The following CPSF6 variants were observed in gnomAD, a reference collection of about 807,000 sequenced individuals.
CPSF6 encodes cleavage and polyadenylation specific factor 6.
A neutral mutation model predicts 56.7 loss-of-function variants in CPSF6; 10 were observed. The ratio of observed to expected loss-of-function variants is 0.18; its 90% CI spans 0.11 to 0.30. CPSF6 has a LOEUF of 0.30. CPSF6 is among the 10% of genes least tolerant of loss of function. The pLI is 1.00. For missense variants in CPSF6, 419 were observed against 722.9 expected (o/e 0.58, Z 4.82); for synonymous variants, 248 against 244.8 (o/e 1.01, Z -0.12).
chr12:69,259,203 A>C (rs889312253), intron 6 of CPSF6, 109 bp downstream of exon 6: 6 of 1,335,308 alleles, frequency 4.5e-6, no homozygotes, highest in Non-Finnish European at 6.0e-6. Flanking sequence ...TTCCAAGAAG[A>C]TGAGGTGTTT....
chr12:69,251,177 A>G lies in CPSF6; in HGVS notation c.109A>G (p.Ile37Val). 6.2e-7 allele frequency: 1 copy of G among 1,613,126 alleles called. No individual in the cohort carries two copies. The highest frequency in any genetic ancestry group is 8.5e-7 in the Non-Finnish European group (1 of 1,179,738). ...TCAGATAGATTTGTATGACGATGTC[A>G]TATCTCCATCTGCAAATAATGGAGA... ...HDQIDLYDDVISPSANNGDAP... is the reference protein window; with the variant it reads ...HDQIDLYDDVVSPSANNGDAP... Residue 37 changes from isoleucine to valine, a missense_variant, in exon 2 of 10, where the codon ATA becomes GTA. Physicochemically the swap from Ile to Val is conservative, Grantham distance 29. Coordinates refer to ENST00000435070, the MANE Select transcript of CPSF6 (RefSeq NM_007007.3).
Position 69,271,723 on chromosome 12 carries a change from T to C in CPSF6, c.*2215T>C, listed in dbSNP as rs188087694. The C allele has an allele frequency of 2.0e-5, 3 of 151,896 alleles. No homozygotes were observed. The highest frequency in any genetic ancestry group is 2.0e-4 in the Admixed American group (3 of 15,246). 9.4% of individuals were successfully genotyped at this position (151,896 alleles called of 1,614,324 possible). A position where few individuals can be genotyped will look rare whatever the true frequency, so the allele number is the denominator to read the frequency against. On this transcript the variant is annotated 3_prime_UTR_variant, in exon 10 of 10. Transcript: ENST00000435070. ...ACCAAGTAATTTTGCAAAGTCCTTC[T>C]CTACCTGATAACACGTGAATGTATA...
In CPSF6 at chr12:69,273,295, T is replaced by A. The variant is rs1463335; in HGVS notation, c.*3787T>A. ...ATGTTCTTTTTTTAGAATTTCAGGT[T>A]GTGGCATTCACTGAGTATGCAGCTA... On this transcript the variant is annotated 3_prime_UTR_variant, in exon 10 of 10. Coordinates refer to ENST00000435070, the MANE Select transcript of CPSF6 (RefSeq NM_007007.3). 0.56 allele frequency: 196,419 copies of A among 349,128 alleles called. 56,494 individuals are homozygous for A. Among genetic ancestry groups the A allele is most frequent in the East Asian group, 0.73 (10,653 of 14,636 alleles). 21.6% of individuals were successfully genotyped at this position (349,128 alleles called of 1,614,324 possible). A position where few individuals can be genotyped will look rare whatever the true frequency, so the allele number is the denominator to read the frequency against.
In CPSF6 at chr12:69,251,114, AT is replaced by A. The variant is rs765934620; in HGVS notation, c.61-12del. ...TGACTTTTGTATAATCTAGAGCATT[AT>A]TTCTGTATCTCAGGAAGCTGAATAT... On this transcript the variant is annotated splice_polypyrimidine_tract_variant and intron_variant, in intron 1 of 9. Coordinates refer to ENST00000435070, the MANE Select transcript of CPSF6 (RefSeq NM_007007.3). 4 of 1,603,120 alleles carry A rather than the reference AT, an allele frequency of 2.5e-6. No individual in the cohort carries two copies. Among genetic ancestry groups the A allele is most frequent in the Non-Finnish European group, 3.4e-6 (4 of 1,172,196 alleles).
chr12:69,257,325 A>T (rs938497231), intron 4 of CPSF6, among the ~76,000 whole-genome samples: 7 of 152,194 alleles, frequency 4.6e-5, no homozygotes, highest in African/African-American at 1.7e-4. Context: ...AAGAGATGAG[A>T]TGGATGATTA....
chr12:69,257,662 A>T, intron 4 of CPSF6, 70 bp from the exon 5 acceptor site: 3 of 1,406,334 alleles, frequency 2.1e-6, no homozygotes, highest in Non-Finnish European at 9.8e-7. Flanking sequence ...AGTTGTTTTT[A>T]ATAATAGTGG....
At chr12:69,249,297 A>T (rs1020903423) in intron 1 of CPSF6, among the ~76,000 whole-genome samples, 3 of 151,852 alleles carry the variant, frequency 2.0e-5, no homozygotes, top group East Asian at 3.8e-4. Context: ...AAAAATTAAA[A>T]TTAAAAAAAT....
chr12:69,258,603 A>G lies in CPSF6; in HGVS notation c.708A>G (p.Pro236=), dbSNP rs1416383607. ...PPPPFPAGQT[P]PRPPLGPPGP... ...TTTGTTTTTTAGCTGGACAGACTCC[A>G]CCACGTCCACCCTTAGGTCCTCCAG... The change falls in exon 6 of 10, where the codon CCA becomes CCG. Residue 236 remains proline (P), a synonymous_variant. Transcript: ENST00000435070. The surrounding 1 kb of genome is among the most constrained non-coding windows in gnomAD (Gnocchi z 4.2). 6.2e-7 allele frequency: 1 copy of G among 1,608,620 alleles called. No individual in the cohort carries two copies. The highest frequency in any genetic ancestry group is 1.1e-5 in the South Asian group (1 of 90,668).
In CPSF6 at chr12:69,251,151, A is replaced by G; in HGVS notation, c.83A>G (p.Asp28Gly). 1 of 1,611,360 alleles carries G rather than the reference A, an allele frequency of 6.2e-7. No homozygotes were observed. The highest frequency in any genetic ancestry group is 8.5e-7 in the Non-Finnish European group (1 of 1,178,310). ...FNQEAEYGGH[D>G]QIDLYDDVIS... is the part of the protein sequence containing the mutation. The stretch of plus-strand genomic sequence containing the variant: ...CAGGAAGCTGAATATGGTGGGCATG[A>G]TCAGATAGATTTGTATGACGATGTC... Residue 28 changes from aspartate (D) to glycine (G), a missense_variant, in exon 2 of 10, where the codon GAT becomes GGT. Coordinates refer to ENST00000435070, the MANE Select transcript of CPSF6 (RefSeq NM_007007.3).
chr12:69,259,233 GC>G, intron 6 of CPSF6, 139 bp downstream of exon 6: 1 of 1,242,272 alleles, frequency 8.0e-7, no homozygotes, highest in Non-Finnish European at 1.1e-6. Context: ...CCCTGTTTTA[GC>G]TGAAAGATAC....
chr12:69,242,521 A>G lies in CPSF6; in HGVS notation c.60+2815A>G, dbSNP rs117051906. 7.2e-5 allele frequency among the ~76,000 whole-genome samples: 11 copies of G among 152,328 alleles called. No individual in the cohort carries two copies. The East Asian group carries it at 1.9e-3, about 27-fold the overall frequency. On this transcript the variant is annotated intron_variant, in intron 1 of 9. Coordinates refer to ENST00000435070, the MANE Select transcript of CPSF6 (RefSeq NM_007007.3). ...TAGAGTGCCTTTCTTCACCAGGTGAACTTAAGAATGGAGAATGAAGGGGGG... is the reference window on the plus strand; with the variant it reads ...TAGAGTGCCTTTCTTCACCAGGTGAGCTTAAGAATGGAGAATGAAGGGGGG...
chr12:69,260,517 T>C (rs1378751316), intron 8 of CPSF6, among the ~76,000 whole-genome samples: 2 of 152,164 alleles, frequency 1.3e-5, no homozygotes, highest in Admixed American at 6.5e-5. Flanking sequence ...TTTCTTTAGG[T>C]ACACCAAATG....
intron 4 of CPSF6, among the ~76,000 whole-genome samples, chr12:69,257,256 A>G (rs1207257564): frequency 6.6e-6 from 1 of 152,206 alleles, no homozygotes; most frequent in Non-Finnish European, 1.5e-5. Context: ...ACCTTTCACC[A>G]CTTGGTAAAC....
chr12:69,250,792 G>A (rs1031142096), intron 1 of CPSF6, among the ~76,000 whole-genome samples: 2 of 151,890 alleles, frequency 1.3e-5, no homozygotes, highest in African/African-American at 2.4e-5. Flanking sequence ...GATTACAGGC[G>A]TGTGCCACCA....
In CPSF6 at chr12:69,239,577, C is replaced by A; in HGVS notation, c.-70C>A. The A allele has an allele frequency of 6.6e-7, 1 of 1,512,240 alleles. No homozygotes were observed. Among genetic ancestry groups the A allele is most frequent in the Non-Finnish European group, 8.9e-7 (1 of 1,129,694 alleles). The allele number at this position is 1,512,240 out of a possible 1,614,324, so 93.7% of individuals were successfully genotyped here. ...AGCGCCCCCCCACCGCCGCTAGATC[C>A]GCTGCTGCTGCCGCGGCGGGCAGAC... is the stretch of plus-strand genomic sequence containing the variant. On this transcript the variant is annotated 5_prime_UTR_variant, in exon 1 of 10. Coordinates refer to ENST00000435070, the MANE Select transcript of CPSF6 (RefSeq NM_007007.3).
chr12:69,253,273 G>T (rs1402043981), intron 3 of CPSF6, 119 bp downstream of exon 3: 2 of 502,072 alleles, frequency 4.0e-6, no homozygotes, highest in Non-Finnish European at 7.1e-6. Flanking sequence ...AACAACACAT[G>T]ATTGTTTACA....
At chr12:69,253,017 T>A in intron 2 of CPSF6, 34 bp from the exon 3 acceptor site, 1 of 1,262,606 alleles carries the variant, frequency 7.9e-7, no homozygotes. Flanking sequence ...TTGGTTTTAT[T>A]TTAATGGTTA....
At position 69,258,234 on chromosome 12, in the gene CPSF6, GA is replaced by G; in HGVS notation, c.694+330del. The stretch of plus-strand genomic sequence containing the variant: ...TTACCTCTTAAAAAAATCCTTTCAA[GA>G]TCATTTTTCCTTGTTTCACTTTCTA... On this transcript the variant is annotated intron_variant, in intron 5 of 9. Transcript: ENST00000435070. The surrounding 1 kb of genome is among the most constrained non-coding windows in gnomAD (Gnocchi z 4.2). The G allele has an allele frequency of 2.5e-6, 2 of 802,944 alleles. No homozygotes were observed. Among genetic ancestry groups the G allele is most frequent in the South Asian group, 3.5e-5 (2 of 57,358 alleles). The allele number at this position is 802,944 out of a possible 1,614,324, so 49.7% of individuals were successfully genotyped here. A position where few individuals can be genotyped will look rare whatever the true frequency, so the allele number is the denominator to read the frequency against.
At chr12:69,241,939 A>C (rs1031287596) in intron 1 of CPSF6, among the ~76,000 whole-genome samples, 1 of 150,640 alleles carries the variant, frequency 6.6e-6, no homozygotes. Flanking sequence ...AAAAAAAAAA[A>C]GGTCACAAAA....
Sources: allele counts gnomAD v4.1 joint callset (sites outside exome capture counted in the v4.1 genomes callset), GRCh38; gene constraint gnomAD v4.1.1; non-coding constraint Gnocchi (gnomAD v3.1); transcripts MANE v1.5; gene names NCBI Gene and HGNC (gene_info 2026-07-23, HGNC 2026-07-21).